CEP135: variants seen among roughly 807,000 people sequenced by gnomAD.
CEP135 encodes centrosomal protein 135.
A neutral mutation model predicts 157.3 loss-of-function variants in CEP135; 142 were observed. That is an observed-to-expected ratio of 0.90 (90% CI 0.79 to 1.04). CEP135 has a LOEUF of 1.04. CEP135 is among the 50% of genes least tolerant of loss of function. The pLI is 0.00. For missense variants in CEP135, 1,317 were observed against 1,309.2 expected (o/e 1.01, Z -0.09); for synonymous variants, 396 against 439.8 (o/e 0.90, Z 1.25).
rs187326520 is a variant in CEP135 at position 56,011,545 on chromosome 4, G to A, written c.2616+23G>A. The A allele has an allele frequency of 8.2e-5, 123 of 1,496,628 alleles. No individual in the cohort carries two copies. The Admixed American group carries it at 1.4e-3, about 17-fold the overall frequency. The allele number at this position is 1,496,628 out of a possible 1,614,324, so 92.7% of individuals were successfully genotyped here. ...AAGGTGAAAAATATTATTTAGGTTG[G>A]ATTTAAGACTGAGGTTTTTTTTTTT... On this transcript the variant is annotated intron_variant, in intron 20 of 25. Coordinates refer to ENST00000257287, the MANE Select transcript of CEP135 (RefSeq NM_025009.5).
intron 25 of CEP135, among the ~76,000 whole-genome samples, chr4:56,028,737 G>C (rs1663398810): frequency 6.6e-6 from 1 of 152,068 alleles, no homozygotes; most frequent in Admixed American, 6.6e-5. Context: ...CATGCTATTT[G>C]AGATAGGAAA....
intron 10 of CEP135, among the ~76,000 whole-genome samples, chr4:55,972,398 A>G (rs1006267713): frequency 6.6e-6 from 1 of 152,334 alleles, no homozygotes; most frequent in Middle Eastern, 3.4e-3. Flanking sequence ...TAGAGATTGA[A>G]TGAAGTGCTC....
At chr4:55,967,803 G>A (rs1728888988) in intron 8 of CEP135, among the ~76,000 whole-genome samples, 1 of 152,022 alleles carries the variant, frequency 6.6e-6, no homozygotes, top group East Asian at 1.9e-4. Context: ...ATGTGTGAAA[G>A]GCCCACAACA....
chr4:55,967,281 T>C (rs1728873313), intron 8 of CEP135, among the ~76,000 whole-genome samples: 1 of 152,196 alleles, frequency 6.6e-6, no homozygotes, highest in African/African-American at 2.4e-5. Context: ...AATGTTGATA[T>C]TTATGAAATA....
At chr4:55,954,727 TA>T (rs751113582) in intron 4 of CEP135, among the ~76,000 whole-genome samples, 4 of 152,182 alleles carry the variant, frequency 2.6e-5, no homozygotes, top group Non-Finnish European at 4.4e-5. Flanking sequence ...ATTTGGAAAT[TA>T]TGTACTTTCT....
At position 55,980,243 on chromosome 4, in the gene CEP135, A is replaced by G. The variant is rs755916409; in HGVS notation, c.1574A>G (p.Asn525Ser). 12 of 1,568,944 alleles carry G rather than the reference A, an allele frequency of 7.6e-6. No homozygotes were observed. Among genetic ancestry groups the G allele is most frequent in the Non-Finnish European group, 1.1e-5 (12 of 1,140,848 alleles). Residue 525 changes from asparagine to serine, a missense_variant, in exon 12 of 26, where the codon AAT becomes AGT. Physicochemically the swap from Asn to Ser is conservative, Grantham distance 46. Coordinates refer to ENST00000257287, the MANE Select transcript of CEP135 (RefSeq NM_025009.5). ...FEKYMEDIQS[N>S]VKLLTAERDK... ...AAATATATGGAAGATATACAGTCCAATGTTAAATTATTGACAGCAGAAAGA... is the reference window on the plus strand; with the variant it reads ...AAATATATGGAAGATATACAGTCCAGTGTTAAATTATTGACAGCAGAAAGA...
intron 15 of CEP135, among the ~76,000 whole-genome samples, chr4:55,997,395 A>G (rs909338262): frequency 8.5e-5 from 13 of 152,158 alleles, no homozygotes; most frequent in African/African-American, 3.1e-4. Flanking sequence ...CCCCACTTTC[A>G]TTAGGACGTC....
Position 55,987,947 on chromosome 4 carries a change from A to G in CEP135, c.1857+2589A>G, listed in dbSNP as rs550945662. Among the ~76,000 whole-genome samples the G allele has an allele frequency of 9.2e-5, 14 of 152,294 alleles. No homozygotes were observed. The South Asian group carries it at 2.9e-3, about 32-fold the overall frequency. Reference sequence around the variant, plus strand: ...TGAAAACACAGGAACCCCCTGATTCAAAATGAATTCCAAAAGCATGACAAA... The same window carrying G: ...TGAAAACACAGGAACCCCCTGATTCGAAATGAATTCCAAAAGCATGACAAA... On this transcript the variant is annotated intron_variant, in intron 14 of 25. Coordinates refer to ENST00000257287, the MANE Select transcript of CEP135 (RefSeq NM_025009.5).
In CEP135 at chr4:56,011,850, T is replaced by A; in HGVS notation, c.2667T>A (p.Arg889=). The A allele has an allele frequency of 1.9e-6, 3 of 1,603,876 alleles. No homozygotes were observed. Among genetic ancestry groups the A allele is most frequent in the Middle Eastern group, 1.7e-4 (1 of 6,014 alleles). ...LLDRFQMLHN[R]AEDWEVKAHQ... The stretch of plus-strand genomic sequence containing the variant: ...ATAGATTTCAGATGCTTCATAACCG[T>A]GCTGAAGACTGGGAGGTCAAAGCCC... The change falls in exon 21 of 26, where the codon CGT becomes CGA. Residue 889 remains arginine (R), a synonymous_variant. Transcript: ENST00000257287.
intron 11 of CEP135, among the ~76,000 whole-genome samples, 174 bp downstream of exon 11, chr4:55,975,143 C>G (rs541306361): frequency 6.6e-6 from 1 of 152,262 alleles, no homozygotes; most frequent in East Asian, 1.9e-4. Context: ...AGGAAAATTA[C>G]TTAAGAACAA....
intron 5 of CEP135, 129 bp downstream of exon 5, chr4:55,957,493 G>A (rs1462427435): frequency 2.8e-6 from 2 of 712,246 alleles, no homozygotes; most frequent in Non-Finnish European, 4.4e-6. Context: ...CTTTGCACCG[G>A]CACTCAGTAA....
chr4:55,984,328 A>G (rs1729505117), intron 13 of CEP135, among the ~76,000 whole-genome samples: 1 of 152,074 alleles, frequency 6.6e-6, no homozygotes, highest in African/African-American at 2.4e-5. Flanking sequence ...GCTGATTCCT[A>G]TTTATCTTTA....
In CEP135 at chr4:55,965,750, A is replaced by G. The variant is rs764466194; in HGVS notation, c.935A>G (p.Asn312Ser). The G allele has an allele frequency of 6.2e-7, 1 of 1,613,970 alleles. No homozygotes were observed. Among genetic ancestry groups the G allele is most frequent in the African/African-American group, 1.3e-5 (1 of 75,048 alleles). The change falls in exon 8 of 26, where the codon AAT becomes AGT. Residue 312 changes from asparagine to serine, a missense_variant. Transcript: ENST00000257287. ...TSEVVNLSNK[N>S]EKLCQELTEI... is the part of the protein sequence containing the mutation. The stretch of plus-strand genomic sequence containing the variant: ...GAAGTCGTTAATTTAAGTAACAAAA[A>G]TGAAAAACTCTGCCAAGAATTAACT...
intron 10 of CEP135, among the ~76,000 whole-genome samples, chr4:55,972,804 G>A (rs1729069761): frequency 6.6e-6 from 1 of 152,186 alleles, no homozygotes; most frequent in Non-Finnish European, 1.5e-5. Flanking sequence ...GGCCGAGGCA[G>A]GCGGATCACC....
rs115581926 is a variant in CEP135 at position 56,030,961 on chromosome 4, C to T, written c.*12-399C>T. ...AGTCTGAGACTAGCCTAAACAACAT[C>T]GTAAGACCTCATCTATACTAAATAC... On this transcript the variant is annotated intron_variant, in intron 25 of 25. Coordinates refer to ENST00000257287, the MANE Select transcript of CEP135 (RefSeq NM_025009.5). Among the ~76,000 whole-genome samples, 791 of 152,018 alleles carry T rather than the reference C, an allele frequency of 5.2e-3. 4 individuals carry two copies. The highest frequency in any genetic ancestry group is 0.018 in the African/African-American group (742 of 41,448).
At chr4:55,988,834 G>A (rs1194949244) in intron 14 of CEP135, among the ~76,000 whole-genome samples, 11 of 151,242 alleles carry the variant, frequency 7.3e-5, no homozygotes, top group South Asian at 2.1e-4. Flanking sequence ...GGTGGCGGGC[G>A]CATGTAGTCC....
intron 8 of CEP135, chr4:55,966,348 T>A (rs1410880978): frequency 6.4e-6 from 1 of 155,076 alleles, no homozygotes; most frequent in Admixed American, 6.5e-5. Flanking sequence ...CCCGCCACCA[T>A]GCCCAGCTAA....
chr4:56,018,243 G>A (rs55761972), intron 22 of CEP135, among the ~76,000 whole-genome samples: 1 of 152,090 alleles, frequency 6.6e-6, no homozygotes, highest in Admixed American at 6.5e-5. Flanking sequence ...GCCTCCCAAA[G>A]TTCTGGGATA....
In CEP135 at chr4:56,017,521, G is replaced by A. The variant is rs1032525014; in HGVS notation, c.2803-127G>A. 8.5e-6 allele frequency: 6 copies of A among 702,272 alleles called. No homozygotes were observed. The African/African-American group carries it at 9.0e-5, about 11-fold the overall frequency. The allele number at this position is 702,272 out of a possible 1,614,324, so 43.5% of individuals were successfully genotyped here. ...TTAAATAGTAGGCAGCTTCCTGAGA[G>A]TATTTTAAAATAAGCAAAAATTGGC... is the stretch of plus-strand genomic sequence containing the variant. On this transcript the variant is annotated intron_variant, in intron 21 of 25. Transcript: ENST00000257287.
Sources: allele counts gnomAD v4.1 joint callset (sites outside exome capture counted in the v4.1 genomes callset), GRCh38; gene constraint gnomAD v4.1.1; transcripts MANE v1.5; gene names NCBI Gene and HGNC (gene_info 2026-07-23, HGNC 2026-07-21).